The following PRR14 variants were observed in gnomAD, a reference collection of about 807,000 sequenced individuals.
PRR14 encodes the protein proline rich 14.
In PRR14, 33 loss-of-function variants were observed where a neutral mutation model predicts 57.2. The ratio of observed to expected loss-of-function variants is 0.58; its 90% confidence interval spans 0.44 to 0.77. The LOEUF is 0.77. Ranked by LOEUF, PRR14 falls within the 30% of genes least tolerant of loss-of-function variation. The probability of loss-of-function intolerance (pLI) is 0.00; values close to 1 mark genes in which losing one functional copy is unlikely to be tolerated. For synonymous variants in PRR14, 303 were observed against 314.7 expected, an observed-to-expected ratio of 0.96 and a Z score of 0.39; for missense variants, 716 against 788.1, an observed-to-expected ratio of 0.91 and a Z score of 1.10.
At chr16:30,652,533 C>A (rs2090161398) in intron 3 of PRR14, 188 bp from the exon 4 acceptor site, 2 of 677,734 alleles carry the variant, frequency 3.0e-6, no homozygotes, top group Non-Finnish European at 2.5e-6. Flanking sequence ...GGTCCTACAC[C>A]TGCAGTTTAG....
rs746934061 is a variant in PRR14 at position 30,654,183 on chromosome 16, G to A, written c.549-47G>A. The A allele has an allele frequency of 2.0e-5, 27 of 1,355,616 alleles. No homozygotes were observed. In the Admixed American group the frequency reaches 3.1e-4, roughly 15 times the overall value. 84.0% of individuals were successfully genotyped at this position (1,355,616 alleles called of 1,614,324 possible). ...GGATAGGGGAGTTGCTGGCTCAGGT[G>A]GGATACCTGGAAGTTCCCCTAGCCT... On this transcript the variant is annotated intron_variant, in intron 6 of 11. Transcript: ENST00000300835.
In PRR14 at chr16:30,655,685, C is replaced by T. The variant is rs1332391918; in HGVS notation, c.1406+92C>T. ...TAGCTTTGTCTCCCCTCAGGGAGCA[C>T]AGTCCAGCCTGAAAGATTCAATTCG... is the stretch of plus-strand genomic sequence containing the variant. On this transcript the variant is annotated intron_variant, in intron 10 of 11. Transcript: ENST00000300835. The surrounding 1 kb of genome is among the most constrained non-coding windows in gnomAD (Gnocchi z 4.6). 2 of 1,359,758 alleles carry T rather than the reference C, an allele frequency of 1.5e-6. No homozygotes were observed. Among genetic ancestry groups the T allele is most frequent in the Non-Finnish European group, 2.1e-6 (2 of 956,646 alleles). The allele number at this position is 1,359,758 out of a possible 1,614,324, so 84.2% of individuals were successfully genotyped here.
In PRR14 at chr16:30,654,746, G is replaced by A; in HGVS notation, c.776G>A (p.Ser259Asn). Residue 259 changes from serine (S) to asparagine (N), a missense_variant, in exon 8 of 12, where the codon AGC becomes AAC. Ser to Asn is a conservative substitution (Grantham distance 46, BLOSUM62 1). Coordinates refer to ENST00000300835, the MANE Select transcript of PRR14 (RefSeq NM_024031.5). ...LFRSVRSKLE[S>N]FADIFLTPNK... ...CGTTCCGTCCGCTCCAAGCTGGAGA[G>A]CTTTGCTGACATCTTCCTCACGCCC... 6.2e-7 allele frequency: 1 copy of A among 1,613,580 alleles called. No individual in the cohort carries two copies. Among genetic ancestry groups the A allele is most frequent in the South Asian group, 1.1e-5 (1 of 91,080 alleles).
chr16:30,656,002 A>G, intron 11 of PRR14, 30 bp from the exon 12 acceptor site: 1 of 1,595,948 alleles, frequency 6.3e-7, no homozygotes, highest in Non-Finnish European at 8.5e-7. Flanking sequence ...GCACCCTGAT[A>G]AAACCAGCTC....
chr16:30,654,687 C>T lies in PRR14; in HGVS notation c.717C>T (p.Pro239=), dbSNP rs774688939. 5.0e-6 allele frequency: 8 copies of T among 1,613,804 alleles called. No individual in the cohort carries two copies. Among genetic ancestry groups the T allele is most frequent in the Non-Finnish European group, 6.8e-6 (8 of 1,179,942 alleles). The change falls in exon 8 of 12, where the codon CCC becomes CCT. Residue 239 remains proline, a synonymous_variant. Coordinates refer to ENST00000300835, the MANE Select transcript of PRR14 (RefSeq NM_024031.5). The stretch of plus-strand genomic sequence containing the variant: ...CACCACCGTCCAGCCTTTTACGCCC[C>T]CGCCTCAGTCCCTGGGGCTTGGCCC... ...STPPPSSLLR[P]RLSPWGLAPL...
At position 30,656,367 on chromosome 16, in the gene PRR14, A is replaced by G; in HGVS notation, c.*56A>G. 4 of 1,473,190 alleles carry G rather than the reference A, an allele frequency of 2.7e-6. No homozygotes were observed. The highest frequency in any genetic ancestry group is 2.4e-5 in the East Asian group (1 of 41,926). The allele number at this position is 1,473,190 out of a possible 1,614,324, so 91.3% of individuals were successfully genotyped here. On this transcript the variant is annotated 3_prime_UTR_variant, in exon 12 of 12. Coordinates refer to ENST00000300835, the MANE Select transcript of PRR14 (RefSeq NM_024031.5). ...GGGACAGGAAACCTCCCAGGCAGTT[A>G]TTTTTTTTTCTCTATATTTCTAGTA...
rs2052326734 is a variant in PRR14, at chr16:30,652,811, C to T, written c.283C>T (p.Pro95Ser). The T allele has an allele frequency of 6.8e-6, 11 of 1,614,222 alleles. No homozygotes were observed. The highest frequency in any genetic ancestry group is 9.3e-6 in the Non-Finnish European group (11 of 1,180,056). The change falls in exon 4 of 12, where the codon CCC (proline) becomes TCC (serine). Residue 95 changes from proline to serine, a missense_variant. By Grantham distance (74) the Pro-to-Ser change is moderately conservative (BLOSUM62 -1). Transcript: ENST00000300835. ...CCACAGGCAGCCGCCTGCCTCGCCACCCCGGCAGGCCGGGTGGTCCTCGCA... is the reference window on the plus strand; with the variant it reads ...CCACAGGCAGCCGCCTGCCTCGCCATCCCGGCAGGCCGGGTGGTCCTCGCA... ...PVHRQPPASP[P>S]RQAGWSSQAR...
rs770070012 is a variant in PRR14 at position 30,656,281 on chromosome 16, A to G, written c.1728A>G (p.Thr576=). 6.2e-7 allele frequency: 1 copy of G among 1,612,726 alleles called. No homozygotes were observed. The highest frequency in any genetic ancestry group is 8.5e-7 in the Non-Finnish European group (1 of 1,179,932). ...ELDALLLEEE[T]VDREQPHWT ...ATGCCTTGCTCCTGGAGGAAGAAAC[A>G]GTAGATCGGGAGCAGCCCCACTGGA... The change falls in exon 12 of 12, where the codon ACA becomes ACG. Residue 576 remains threonine (T), a synonymous_variant. Coordinates refer to ENST00000300835, the MANE Select transcript of PRR14 (RefSeq NM_024031.5).
chr16:30,653,039 G>C lies in PRR14; in HGVS notation c.440G>C (p.Arg147Pro). 1 of 1,613,838 alleles carries C rather than the reference G, an allele frequency of 6.2e-7. No homozygotes were observed. The highest frequency in any genetic ancestry group is 8.5e-7 in the Non-Finnish European group (1 of 1,179,920). Reference sequence around the variant, plus strand: ...GAGGGCCCTTCACAAAAGGTGGACCGGGCCCCCCAGCCCACCCTGGTGGTG... The same window carrying C: ...GAGGGCCCTTCACAAAAGGTGGACCCGGCCCCCCAGCCCACCCTGGTGGTG... ...PEEGPSQKVD[R>P]APQPTLVVML... Residue 147 changes from arginine (R) to proline (P), a missense_variant, in exon 5 of 12, where the codon CGG (arginine) becomes CCG (proline). Physicochemically the swap from Arg to Pro is moderately radical, Grantham distance 103 (BLOSUM62 -2). Coordinates refer to ENST00000300835, the MANE Select transcript of PRR14 (RefSeq NM_024031.5).
intron 7 of PRR14, 33 bp downstream of exon 7, chr16:30,654,372 G>C (rs2052344635): frequency 2.6e-6 from 4 of 1,537,910 alleles, no homozygotes; most frequent in Admixed American, 3.3e-5. Context: ...GATGAGACTT[G>C]GGTGTCTGGG....
At position 30,651,991 on chromosome 16, in the gene PRR14, C is replaced by A. The variant is rs769140305; in HGVS notation, c.192+27C>A. On this transcript the variant is annotated intron_variant, in intron 3 of 11. Coordinates refer to ENST00000300835, the MANE Select transcript of PRR14 (RefSeq NM_024031.5). The surrounding 1 kb of genome is among the most constrained non-coding windows in gnomAD (Gnocchi z 5.0). ...TGAGCCCCCTGAACCAAGAGACTCT[C>A]TATTCCCCCATGACTTTCCTCACTA... is the stretch of plus-strand genomic sequence containing the variant. 2.6e-6 allele frequency: 4 copies of A among 1,519,950 alleles called. No individual in the cohort carries two copies. Among genetic ancestry groups the A allele is most frequent in the Non-Finnish European group, 3.5e-6 (4 of 1,136,728 alleles). The allele number at this position is 1,519,950 out of a possible 1,614,324, so 94.2% of individuals were successfully genotyped here.
chr16:30,653,797 G>C (rs552136749), intron 6 of PRR14, among the ~76,000 whole-genome samples: 2 of 152,324 alleles, frequency 1.3e-5, no homozygotes, highest in South Asian at 4.1e-4. Flanking sequence ...CTCCCGAGTA[G>C]CTGGGATTAC....
In PRR14 at chr16:30,651,625, C is replaced by T. The variant is rs1329194570; in HGVS notation, c.-21C>T. Reference sequence around the variant, plus strand: ...CAGCCTGGGATTCCCCAGGGACCCCCCCGGAGCCGCCGCGTCTCCCATGGA... The same window carrying T: ...CAGCCTGGGATTCCCCAGGGACCCCTCCGGAGCCGCCGCGTCTCCCATGGA... On this transcript the variant is annotated 5_prime_UTR_variant, in exon 2 of 12. Transcript: ENST00000300835. The surrounding 1 kb of genome is among the most constrained non-coding windows in gnomAD (Gnocchi z 5.0). The T allele has an allele frequency of 6.3e-7, 1 of 1,591,004 alleles. No individual in the cohort carries two copies. Among genetic ancestry groups the T allele is most frequent in the South Asian group, 1.1e-5 (1 of 89,978 alleles).
chr16:30,652,226 T>C, intron 3 of PRR14: 1 of 640,948 alleles, frequency 1.6e-6, no homozygotes, highest in Admixed American at 2.5e-5. Flanking sequence ...GCTTCTTTTT[T>C]TCTATCTTTT....
rs748992897 is a variant in PRR14, at chr16:30,654,985, C to T, written c.1015C>T (p.Pro339Ser). The stretch of plus-strand genomic sequence containing the variant: ...AAGCTACTCCTGCCCTGATCTGGGG[C>T]CCCCTGGCCCAGGTACCTGCACCTG... ...GRSYSCPDLG[P>S]PGPGTCTWPP... The change falls in exon 8 of 12, where the codon CCC (proline) becomes TCC (serine). Residue 339 changes from proline (P) to serine (S), a missense_variant. Coordinates refer to ENST00000300835, the MANE Select transcript of PRR14 (RefSeq NM_024031.5). 1.2e-6 allele frequency: 2 copies of T among 1,610,400 alleles called. No homozygotes were observed. Among genetic ancestry groups the T allele is most frequent in the Admixed American group, 3.3e-5 (2 of 59,996 alleles).
chr16:30,653,366 G>A lies in PRR14; in HGVS notation c.506G>A (p.Gly169Asp), dbSNP rs1462165839. 5 of 1,613,772 alleles carry A rather than the reference G, an allele frequency of 3.1e-6. No individual in the cohort carries two copies. The African/African-American group carries it at 5.3e-5, about 17-fold the overall frequency. Residue 169 changes from glycine to aspartate, a missense_variant and splice_region_variant, in exon 6 of 12, where the codon GGC becomes GAC. Gly to Asp is a moderately conservative substitution (Grantham distance 94). Coordinates refer to ENST00000300835, the MANE Select transcript of PRR14 (RefSeq NM_024031.5). ...CAAACATCCCCTATTTTTATCCAGG[G>A]CTTCATTGATGAGACCCCCAACTTC... Reference protein sequence around the residue: ...DIASPRPPAEGFIDETPNFII... With the variant: ...DIASPRPPAEDFIDETPNFII...
At chr16:30,653,141 T>G in intron 5 of PRR14, 38 bp downstream of exon 5, 1 of 1,556,344 alleles carries the variant, frequency 6.4e-7, no homozygotes, top group East Asian at 2.3e-5. Flanking sequence ...AGGGTTCTGC[T>G]GGGTTCCAGC....
At chr16:30,650,846 G>A (rs2052303599), upstream of PRR14, 1 of 344,236 alleles carries the variant, frequency 2.9e-6, no homozygotes, top group Admixed American at 3.2e-5. Context: ...TGGCTGGAGA[G>A]AGGGCGGGAG....
At chr16:30,653,137 C>A in intron 5 of PRR14, 34 bp downstream of exon 5, 1 of 1,558,572 alleles carries the variant, frequency 6.4e-7, no homozygotes, top group South Asian at 1.2e-5. Flanking sequence ...GTCAAGGGTT[C>A]TGCTGGGTTC....
Sources: gnomAD v4.1 joint callset for allele counts (sites outside exome capture counted in the v4.1 genomes callset) on GRCh38, gnomAD v4.1.1 for gene constraint, Gnocchi (gnomAD v3.1) non-coding constraint, MANE v1.5 for transcripts, NCBI Gene and HGNC (gene_info 2026-07-23, HGNC 2026-07-21) for gene names.